The following DOCK4 variants were observed in gnomAD, a reference collection of about 807,000 sequenced individuals.
DOCK4 encodes dedicator of cytokinesis 4.
DOCK4 carries 97 observed loss-of-function variants against 268.1 expected under a neutral mutation model. The observed-to-expected ratio is 0.36, with a 90% confidence interval of 0.31 to 0.43. The LOEUF is 0.43. Among genes scored for constraint, DOCK4 ranks in the 20% least tolerant of loss-of-function variants. The pLI is 1.00. For missense variants in DOCK4, 2,145 were observed against 2,455.7 expected, an observed-to-expected ratio of 0.87 and a Z score of 2.67; for synonymous variants, 954 against 887.2, an observed-to-expected ratio of 1.08 and a Z score of -1.34.
At chr7:112,187,930 T>C (rs1209274092) in intron 1 of DOCK4, among the ~76,000 whole-genome samples, 1 of 152,212 alleles carries the variant, frequency 6.6e-6, no homozygotes, top group Non-Finnish European at 1.5e-5. Context: ...ATGACCCCTT[T>C]AACCAATGTT....
At chr7:112,010,617 T>C (rs1801212850) in intron 1 of DOCK4, among the ~76,000 whole-genome samples, 1 of 152,160 alleles carries the variant, frequency 6.6e-6, no homozygotes, top group Admixed American at 6.5e-5. Flanking sequence ...GGGATCTGCC[T>C]TCATCTGGTA....
At chr7:112,109,086 A>G (rs1187653613) in intron 1 of DOCK4, among the ~76,000 whole-genome samples, 1 of 152,170 alleles carries the variant, frequency 6.6e-6, no homozygotes, top group African/African-American at 2.4e-5. Context: ...ATTTATCTCA[A>G]TAAGAGATGT....
At chr7:111,793,175 A>T (rs985577922) in intron 30 of DOCK4, among the ~76,000 whole-genome samples, 2 of 152,172 alleles carry the variant, frequency 1.3e-5, no homozygotes, top group South Asian at 2.1e-4. Flanking sequence ...TCCCTCTCTC[A>T]ATGACACGGA....
chr7:111,889,002 G>C (rs562955899), intron 16 of DOCK4, among the ~76,000 whole-genome samples: 7 of 152,196 alleles, frequency 4.6e-5, no homozygotes, highest in African/African-American at 1.7e-4. Context: ...TCTCACTTAA[G>C]GCAGAACATT....
intron 1 of DOCK4, among the ~76,000 whole-genome samples, chr7:112,024,369 C>T (rs968747801): frequency 2.6e-5 from 4 of 152,020 alleles, no homozygotes; most frequent in South Asian, 2.1e-4. Context: ...TCTATGAAAC[C>T]GAACTCCTGA....
At chr7:111,838,889 A>G (rs1803453289) in intron 25 of DOCK4, among the ~76,000 whole-genome samples, 1 of 152,252 alleles carries the variant, frequency 6.6e-6, no homozygotes, top group Non-Finnish European at 1.5e-5. Flanking sequence ...CAATAAAATA[A>G]AAAAGACATA....
intron 42 of DOCK4, among the ~76,000 whole-genome samples, chr7:111,752,131 C>G (rs946177404): frequency 6.6e-6 from 1 of 152,028 alleles, no homozygotes; most frequent in Admixed American, 6.6e-5. Flanking sequence ...GATATGACAT[C>G]TGAGATTTAC....
At chr7:111,893,144 G>C (rs1808429068) in intron 16 of DOCK4, among the ~76,000 whole-genome samples, 1 of 152,178 alleles carries the variant, frequency 6.6e-6, no homozygotes, top group African/African-American at 2.4e-5. Flanking sequence ...CTATTTTTGA[G>C]AAAAGTTTTG....
intron 1 of DOCK4, among the ~76,000 whole-genome samples, chr7:112,140,814 A>G (rs1586906933): frequency 6.6e-6 from 1 of 152,270 alleles, no homozygotes; most frequent in East Asian, 1.9e-4. Context: ...AACACACAGA[A>G]CCACATGGCA....
chr7:112,108,018 T>C (rs189570105), intron 1 of DOCK4, among the ~76,000 whole-genome samples: 5 of 152,328 alleles, frequency 3.3e-5, no homozygotes, highest in Non-Finnish European at 7.3e-5. Flanking sequence ...TTTCAGAATA[T>C]GGACAGTACC....
At chr7:111,910,354 A>T (rs551008149) in intron 13 of DOCK4, among the ~76,000 whole-genome samples, 71 of 152,136 alleles carry the variant, frequency 4.7e-4, no homozygotes, top group Admixed American at 7.2e-4. Flanking sequence ...GTCTGTTAAG[A>T]TGTTTAGAGT....
intron 15 of DOCK4, among the ~76,000 whole-genome samples, chr7:111,896,096 A>G (rs2134384157): frequency 6.6e-6 from 1 of 152,310 alleles, no homozygotes; most frequent in Non-Finnish European, 1.5e-5. Flanking sequence ...ATGATAAATG[A>G]ATGAACAAGT....
At chr7:111,935,033 G>A (rs983406241) in intron 12 of DOCK4, among the ~76,000 whole-genome samples, 5 of 150,786 alleles carry the variant, frequency 3.3e-5, no homozygotes, top group East Asian at 2.0e-4. Flanking sequence ...TGCAACATCC[G>A]CCTCCCAGGT....
intron 1 of DOCK4, among the ~76,000 whole-genome samples, chr7:112,144,857 G>A (rs1053094958): frequency 6.6e-6 from 1 of 152,168 alleles, no homozygotes; most frequent in Non-Finnish European, 1.5e-5. Flanking sequence ...CAGGACTACT[G>A]ACGCAAAGCG....
In DOCK4 at chr7:112,200,034, G is replaced by T. The variant is rs73440668; in HGVS notation, c.37+6068C>A. ...TAAACCCACATATCTGACTATCAAAGACAATAACCACCACCACCATCAACT... is the reference window on the plus strand; with the variant it reads ...TAAACCCACATATCTGACTATCAAATACAATAACCACCACCACCATCAACT... On this transcript the variant is annotated intron_variant, in intron 1 of 52. Coordinates refer to ENST00000428084, the MANE Select transcript of DOCK4 (RefSeq NM_001363540.2). Among the ~76,000 whole-genome samples the T allele has an allele frequency of 9.2e-3, 1,405 of 152,188 alleles. 19 individuals carry two copies. The highest frequency in any genetic ancestry group is 0.032 in the African/African-American group (1,330 of 41,524).
rs1798266816 is a variant in DOCK4, at chr7:111,977,146, C to A, written c.687G>T (p.Glu229Asp). The A allele has an allele frequency of 6.2e-7, 1 of 1,613,136 alleles. No homozygotes were observed. The highest frequency in any genetic ancestry group is 1.3e-5 in the African/African-American group (1 of 74,906). Residue 229 changes from glutamate to aspartate, a missense_variant, in exon 8 of 53, where the codon GAG (glutamate) becomes GAT (aspartate). Glu to Asp is a conservative substitution (Grantham distance 45, BLOSUM62 2). Around this residue, in one of 2 missense-constraint regions of DOCK4, gnomAD observed 1,598 missense variants for 1,986.7 expected, o/e 0.80. Transcript: ENST00000428084. Reference sequence around the variant, plus strand: ...CGTGCAGGTACCTGATTGGCCGGTTCTCTTTACTGTCAAAGAGTGAGAAGA... The same window carrying A: ...CGTGCAGGTACCTGATTGGCCGGTTATCTTTACTGTCAAAGAGTGAGAAGA... Reference protein sequence around the residue: ...EVIFSLFDSKENRPISERFFL... With the variant: ...EVIFSLFDSKDNRPISERFFL...
intron 1 of DOCK4, among the ~76,000 whole-genome samples, chr7:112,156,996 A>G (rs1816665673): frequency 1.3e-5 from 2 of 152,190 alleles, no homozygotes; most frequent in African/African-American, 4.8e-5. Flanking sequence ...TACGTGAAAA[A>G]AAGTTTTTTT....
chr7:112,135,282 A>G (rs1814217209), intron 1 of DOCK4, among the ~76,000 whole-genome samples: 3 of 152,186 alleles, frequency 2.0e-5, no homozygotes, highest in Admixed American at 6.5e-5. Flanking sequence ...ATGGAAATAA[A>G]TAGCTTTTCA....
chr7:111,980,618 G>T (rs1308276538), intron 7 of DOCK4, among the ~76,000 whole-genome samples: 2 of 152,136 alleles, frequency 1.3e-5, no homozygotes, highest in Non-Finnish European at 2.9e-5. Context: ...CTTGTTGTGG[G>T]GGCTGTCCTG....
Sources: gnomAD v4.1 joint callset for allele counts (sites outside exome capture counted in the v4.1 genomes callset) on GRCh38, gnomAD v4.1.1 for gene constraint, gnomAD v4.1.1 regional missense constraint, MANE v1.5 for transcripts, NCBI Gene and HGNC (gene_info 2026-07-23, HGNC 2026-07-21) for gene names.